Variants in NAV2 observed in about 807,000 individuals in gnomAD.
The protein encoded by NAV2 is helicase, APC down-regulated 1.
NAV2 carries 54 observed loss-of-function variants against 223.2 expected under a neutral mutation model. The ratio of observed to expected loss-of-function variants is 0.24; its 90% CI spans 0.19 to 0.30. The LOEUF (loss-of-function observed/expected upper bound fraction) is 0.30, where lower values mean the gene tolerates loss of function less well. NAV2 is among the 10% of genes least tolerant of loss of function. NAV2 has a pLI of 1.00. For missense variants in NAV2, 2,806 were observed against 3,147.5 expected (o/e 0.89, Z 2.60); for synonymous variants, 1,279 against 1,239.3 (o/e 1.03, Z -0.67).
chr11:20,096,830 G>T (rs1365203272), intron 30 of NAV2, among the ~76,000 whole-genome samples: 1 of 152,176 alleles, frequency 6.6e-6, no homozygotes, highest in African/African-American at 2.4e-5. Flanking sequence ...GGCTTAGATG[G>T]ACCGATTCTC....
At chr11:19,775,512 C>T (rs1057059853) in intron 1 of NAV2, among the ~76,000 whole-genome samples, 1 of 152,210 alleles carries the variant, frequency 6.6e-6, no homozygotes, top group Non-Finnish European at 1.5e-5. Flanking sequence ...CTATGGGCCA[C>T]ACATTGTTCT....
At chr11:19,940,958 G>A (rs2046349838) in intron 8 of NAV2, among the ~76,000 whole-genome samples, 4 of 152,136 alleles carry the variant, frequency 2.6e-5, no homozygotes, top group Admixed American at 2.0e-4. Flanking sequence ...AGTTCAGATG[G>A]CTGCTCGAGT....
chr11:19,457,274 G>T (rs1454253783), intron 1 of NAV2, among the ~76,000 whole-genome samples: 2 of 152,214 alleles, frequency 1.3e-5, no homozygotes, highest in Non-Finnish European at 2.9e-5. Context: ...GAGAGGAAAT[G>T]CAGGGTTGAC....
intron 1 of NAV2, among the ~76,000 whole-genome samples, chr11:19,812,201 A>C (rs543570793): frequency 6.6e-6 from 1 of 152,112 alleles, no homozygotes; most frequent in South Asian, 2.1e-4. Flanking sequence ...GATAATCTGC[A>C]TTTATGATGA....
At chr11:20,114,427 CT>C in intron 36 of NAV2, 164 bp from the exon 37 acceptor site, 1 of 653,020 alleles carries the variant, frequency 1.5e-6, no homozygotes, top group Non-Finnish European at 2.7e-6. Flanking sequence ...GCACCTCGAA[CT>C]GTCTGCATCT....
At chr11:20,068,442 A>G in intron 22 of NAV2, 44 bp downstream of exon 22, 3 of 1,450,568 alleles carry the variant, frequency 2.1e-6, no homozygotes, top group South Asian at 1.1e-5. Context: ...AGGAAGCACC[A>G]TCCTTGCCTT....
intron 1 of NAV2, among the ~76,000 whole-genome samples, chr11:19,393,859 T>G (rs1307626140): frequency 6.6e-6 from 1 of 151,852 alleles, no homozygotes; most frequent in African/African-American, 2.4e-5. Context: ...TCCATATTAT[T>G]ACTTCTGTTC....
intron 1 of NAV2, among the ~76,000 whole-genome samples, chr11:19,653,188 A>G (rs2048019110): frequency 6.6e-6 from 1 of 152,200 alleles, no homozygotes; most frequent in African/African-American, 2.4e-5. Flanking sequence ...TCTATCTCTG[A>G]TGTGGCTGTG....
At chr11:19,410,354 T>G (rs986995710) in intron 1 of NAV2, among the ~76,000 whole-genome samples, 5 of 152,226 alleles carry the variant, frequency 3.3e-5, no homozygotes, top group South Asian at 2.1e-4. Context: ...TAAATAATGT[T>G]AAGTGTGCCC....
chr11:19,651,555 C>T (rs1220874479), intron 1 of NAV2, among the ~76,000 whole-genome samples: 1 of 152,188 alleles, frequency 6.6e-6, no homozygotes, highest in African/African-American at 2.4e-5. Context: ...GCAGTGTTAC[C>T]TAGAGGTCAA....
At chr11:19,382,251 C>T (rs905073813) in intron 1 of NAV2, among the ~76,000 whole-genome samples, 19 of 152,156 alleles carry the variant, frequency 1.2e-4, no homozygotes, top group African/African-American at 4.3e-4. Flanking sequence ...TACAATGGGA[C>T]AGGAGGTGAG....
intron 2 of NAV2, among the ~76,000 whole-genome samples, chr11:19,840,449 G>A (rs1443118): frequency 0.57 from 86,036 of 152,036 alleles, 24,929 homozygotes; most frequent in African/African-American, 0.68. Context: ...ACAGTTATCC[G>A]TCTTTCACTG....
chr11:20,026,309 T>G lies in NAV2; in HGVS notation c.2769-9650T>G, dbSNP rs2055063859. ...GCTTATAGTTTTTTTTTAAATTTAT[T>G]TTTTATTTTTATTTTTTTTGAGACA... On this transcript the variant is annotated intron_variant, in intron 11 of 37. Transcript: ENST00000349880. Among the ~76,000 whole-genome samples the G allele has an allele frequency of 2.6e-5, 4 of 151,824 alleles. No homozygotes were observed. In the South Asian group the frequency reaches 8.3e-4, roughly 32 times the overall value.
chr11:19,416,729 G>A (rs539849909), intron 1 of NAV2, among the ~76,000 whole-genome samples: 7 of 152,230 alleles, frequency 4.6e-5, no homozygotes, highest in Admixed American at 1.3e-4. Flanking sequence ...AAACAGCAAG[G>A]TACTGGGACC....
At chr11:19,665,517 C>A (rs1360918065) in intron 1 of NAV2, among the ~76,000 whole-genome samples, 1 of 152,166 alleles carries the variant, frequency 6.6e-6, no homozygotes, top group African/African-American at 2.4e-5. Context: ...TTCTAAGGAA[C>A]TGGCTCTTCT....
At chr11:19,749,417 T>G (rs971122516) in intron 1 of NAV2, among the ~76,000 whole-genome samples, 25 of 152,238 alleles carry the variant, frequency 1.6e-4, no homozygotes, top group African/African-American at 6.0e-4. Context: ...ATGATGACTT[T>G]ATTCTTTCCA....
At chr11:19,960,120 G>C (rs979271878) in intron 10 of NAV2, among the ~76,000 whole-genome samples, 2 of 152,278 alleles carry the variant, frequency 1.3e-5, no homozygotes, top group Admixed American at 6.5e-5. Context: ...CTGTGCCCTG[G>C]GGCTTGATGG....
intron 2 of NAV2, among the ~76,000 whole-genome samples, chr11:19,841,586 A>T (rs1286669569): frequency 6.6e-6 from 1 of 152,200 alleles, no homozygotes; most frequent in African/African-American, 2.4e-5. Flanking sequence ...AAACAAGAAA[A>T]GGAGGAATTA....
chr11:19,719,077 C>A (rs202078188), intron 1 of NAV2, among the ~76,000 whole-genome samples: 1 of 152,136 alleles, frequency 6.6e-6, no homozygotes, highest in Non-Finnish European at 1.5e-5. Context: ...AGGGATGTAG[C>A]CTTCAGAGAG....
Sources: gnomAD v4.1 joint callset for allele counts (sites outside exome capture counted in the v4.1 genomes callset) on GRCh38, gnomAD v4.1.1 for gene constraint, MANE v1.5 for transcripts, NCBI Gene and HGNC (gene_info 2026-07-23, HGNC 2026-07-21) for gene names.